Variants in SPATA2 observed in about 807,000 individuals in gnomAD.
The protein encoded by SPATA2 is spermatogenesis-associated protein 2.
In SPATA2, 8 loss-of-function variants were observed where a neutral mutation model predicts 35.4. The ratio of observed to expected loss-of-function variants is 0.23; its 90% CI spans 0.13 to 0.41. The LOEUF (loss-of-function observed/expected upper bound fraction) is 0.41, where lower values mean the gene tolerates loss of function less well. Ranked by LOEUF, SPATA2 falls within the 10% of genes least tolerant of loss-of-function variation. The pLI is 1.00. For synonymous variants in SPATA2, 293 were observed against 300.9 expected (o/e 0.97, Z 0.27); for missense variants, 650 against 698.7 (o/e 0.93, Z 0.79).
chr20:49,915,100 CCTT>C (rs1409693761), intron 1 of SPATA2, among the ~76,000 whole-genome samples: 2 of 152,208 alleles, frequency 1.3e-5, no homozygotes, highest in African/African-American at 2.4e-5. Flanking sequence ...ATCGGGGTGT[CCTT>C]CTGTTTGGCC....
intron 1 of SPATA2, among the ~76,000 whole-genome samples, chr20:49,914,029 G>GC (rs1555854560): frequency 3.3e-5 from 1 of 30,188 alleles, no homozygotes; most frequent in African/African-American, 1.1e-4. Context: ...CCAGTCTGGT[G>GC]GAAAAAAAAA....
At position 49,908,289 on chromosome 20, in the gene SPATA2, C is replaced by A; in HGVS notation, c.202G>T (p.Glu68Ter). Residue 68 changes from glutamate to a stop codon, truncating the protein, a stop_gained, in exon 2 of 3, where the codon GAG (glutamate) becomes TAG (stop). Transcript: ENST00000289431. LOFTEE classifies it high-confidence loss of function. ...GAGCGCAAGGAGCTCTCCACCACCT[C>A]ATAGAACTGGATCAGCCGGAATCGA... ...FYRFRLIQFY[E>*]VVESSLRSLS... 1 of 1,614,210 alleles carries A rather than the reference C, an allele frequency of 6.2e-7. No individual in the cohort carries two copies. The highest frequency in any genetic ancestry group is 8.5e-7 in the Non-Finnish European group (1 of 1,180,014).
chr20:49,906,638 G>T lies in SPATA2; in HGVS notation c.544C>A (p.Gln182Lys). ...TCGGAGTAGCCCTTGTCCTTCACTTGTGAGTGGATTTCTAGCATCTGCTCA... is the reference window on the plus strand; with the variant it reads ...TCGGAGTAGCCCTTGTCCTTCACTTTTGAGTGGATTTCTAGCATCTGCTCA... ...ECEQMLEIHS[Q>K]VKDKGYSELD... Residue 182 changes from glutamine (Q) to lysine (K), a missense_variant, in exon 3 of 3, where the codon CAA (glutamine) becomes AAA (lysine). Gln to Lys is a moderately conservative substitution (Grantham distance 53). Coordinates refer to ENST00000289431, the MANE Select transcript of SPATA2 (RefSeq NM_006038.4). This position sits in a 1 kb window ranked among gnomAD's most constrained non-coding sequence, Gnocchi z 8.2. 5.0e-6 allele frequency: 8 copies of T among 1,614,242 alleles called. No individual in the cohort carries two copies. Among genetic ancestry groups the T allele is most frequent in the Non-Finnish European group, 6.8e-6 (8 of 1,180,036 alleles).
In SPATA2 at chr20:49,906,597, G is replaced by A. The variant is rs773007628; in HGVS notation, c.585C>T (p.Ser195=). The A allele has an allele frequency of 2.2e-5, 35 of 1,614,066 alleles. No homozygotes were observed. In the East Asian group the frequency reaches 2.2e-4, roughly 10 times the overall value. Residue 195 remains serine, a synonymous_variant, in exon 3 of 3, where the codon AGC becomes AGT. Coordinates refer to ENST00000289431, the MANE Select transcript of SPATA2 (RefSeq NM_006038.4). The surrounding 1 kb of genome is among the most constrained non-coding windows in gnomAD (Gnocchi z 8.2). The stretch of plus-strand genomic sequence containing the variant: ...CATCCTCTGCACTGCTCTTGCGCTC[G>A]CTCACAATGTCCAGCTCGGAGTAGC... ...DKGYSELDIV[S]ERKSSAEDVR... is the part of the protein sequence containing the mutation.
chr20:49,903,873 C>A lies in SPATA2; in HGVS notation c.*1746G>T, dbSNP rs2090121305. Reference sequence around the variant, plus strand: ...GTTGAAATTCAGCTTAATATACACACTGTACATCTACATGTGATCTACCAG... The same window carrying A: ...GTTGAAATTCAGCTTAATATACACAATGTACATCTACATGTGATCTACCAG... On this transcript the variant is annotated 3_prime_UTR_variant, in exon 3 of 3. Transcript: ENST00000289431. 2 of 142,564 alleles carry A rather than the reference C, an allele frequency of 1.4e-5. No individual in the cohort carries two copies. The highest frequency in any genetic ancestry group is 5.3e-5 in the African/African-American group (2 of 37,548). 8.8% of individuals were successfully genotyped at this position (142,564 alleles called of 1,614,324 possible).
rs113685792 is a variant in SPATA2, at chr20:49,906,723, G to A, written c.459C>T (p.Leu153=). 2.0e-5 allele frequency: 32 copies of A among 1,614,216 alleles called. No homozygotes were observed. Among genetic ancestry groups the A allele is most frequent in the African/African-American group, 1.1e-4 (8 of 75,052 alleles). ...ELGTAYKLRE[L]VETLQVKMVS... is the part of the protein sequence containing the mutation. ...CCATCTTCACCTGGAGGGTCTCCAC[G>A]AGCTCTCTGAGCTTGTATGCAGTGC... The change falls in exon 3 of 3, where the codon CTC becomes CTT. Residue 153 remains leucine, a synonymous_variant. Coordinates refer to ENST00000289431, the MANE Select transcript of SPATA2 (RefSeq NM_006038.4). This position sits in a 1 kb window ranked among gnomAD's most constrained non-coding sequence, Gnocchi z 8.2.
In SPATA2 at chr20:49,906,386, G is replaced by C; in HGVS notation, c.796C>G (p.Pro266Ala). 6.2e-7 allele frequency: 1 copy of C among 1,613,808 alleles called. No individual in the cohort carries two copies. Among genetic ancestry groups the C allele is most frequent in the Non-Finnish European group, 8.5e-7 (1 of 1,180,010 alleles). ...AGACTCAATGAGGCCTTCAGGGGTGGCTTCCGGCTCTCCCAGTAGCTGTCA... is the reference window on the plus strand; with the variant it reads ...AGACTCAATGAGGCCTTCAGGGGTGCCTTCCGGCTCTCCCAGTAGCTGTCA... ...AYDSYWESRK[P>A]PLKASLSLRK... The change falls in exon 3 of 3, where the codon CCA (proline) becomes GCA (alanine). Residue 266 changes from proline to alanine, a missense_variant. Pro to Ala is a conservative substitution (Grantham distance 27, BLOSUM62 -1). Transcript: ENST00000289431. The surrounding 1 kb of genome is among the most constrained non-coding windows in gnomAD (Gnocchi z 8.2).
At chr20:49,915,351 G>T (rs2090203935) in intron 1 of SPATA2, 29 bp downstream of exon 1, 1 of 152,364 alleles carries the variant, frequency 6.6e-6, no homozygotes, top group African/African-American at 2.4e-5. Flanking sequence ...CCCGAAGGCA[G>T]TTTCCGCCCG....
intron 1 of SPATA2, 62 bp from the exon 2 acceptor site, chr20:49,908,654 C>G: frequency 3.2e-6 from 2 of 628,200 alleles, no homozygotes; most frequent in East Asian, 2.8e-5. Context: ...GGCTTCAGGT[C>G]GCTGAGGCAA....
intron 2 of SPATA2, among the ~76,000 whole-genome samples, chr20:49,907,915 G>A (rs1160614105): frequency 6.6e-6 from 1 of 151,946 alleles, no homozygotes; most frequent in African/African-American, 2.4e-5. Context: ...GCCTTGCCCT[G>A]GGCCACAAGA....
chr20:49,912,192 G>A lies in SPATA2; in HGVS notation c.-103+3188C>T, dbSNP rs559937195. On this transcript the variant is annotated intron_variant, in intron 1 of 2. Coordinates refer to ENST00000289431, the MANE Select transcript of SPATA2 (RefSeq NM_006038.4). The stretch of plus-strand genomic sequence containing the variant: ...ATGCAGGCCAGGCGCGGTGGCTCAC[G>A]CCTGTAATCCTACAACTCTGGGAGG... 1.3e-4 allele frequency among the ~76,000 whole-genome samples: 20 copies of A among 152,324 alleles called. No homozygotes were observed. The East Asian group carries it at 2.7e-3, about 21-fold the overall frequency.
chr20:49,914,938 C>G (rs913328553), intron 1 of SPATA2, among the ~76,000 whole-genome samples: 2 of 152,236 alleles, frequency 1.3e-5, no homozygotes, highest in Non-Finnish European at 2.9e-5. Flanking sequence ...CATCTCCACT[C>G]CAGCCCTAGC....
rs760909269 is a variant in SPATA2 at position 49,908,331 on chromosome 20, T to C, written c.160A>G (p.Lys54Glu). The change falls in exon 2 of 3, where the codon AAG (lysine) becomes GAG (glutamate). Residue 54 changes from lysine (K) to glutamate (E), a missense_variant. Coordinates refer to ENST00000289431, the MANE Select transcript of SPATA2 (RefSeq NM_006038.4). ...CGGAATCGATAAAAGGGATCCACCTTGTGCAGGCTGAGCAGGGTTGAGGCT... is the reference window on the plus strand; with the variant it reads ...CGGAATCGATAAAAGGGATCCACCTCGTGCAGGCTGAGCAGGGTTGAGGCT... ...VAASTLLSLH[K>E]VDPFYRFRLI... The C allele has an allele frequency of 9.3e-6, 15 of 1,614,142 alleles. No homozygotes were observed. The highest frequency in any genetic ancestry group is 6.7e-5 in the Admixed American group (4 of 60,010).
At chr20:49,909,108 C>T (rs1041147525) in intron 1 of SPATA2, among the ~76,000 whole-genome samples, 3 of 152,098 alleles carry the variant, frequency 2.0e-5, no homozygotes, top group South Asian at 2.1e-4. Flanking sequence ...CTGCAACCTC[C>T]GCCTCCCGGG....
chr20:49,907,870 C>T (rs768671180), intron 2 of SPATA2, among the ~76,000 whole-genome samples: 4 of 151,338 alleles, frequency 2.6e-5, no homozygotes, highest in South Asian at 2.1e-4. Flanking sequence ...AGATCCCACA[C>T]TGCCTCCTTC....
chr20:49,907,467 G>C (rs575203206), intron 2 of SPATA2, among the ~76,000 whole-genome samples: 1 of 152,112 alleles, frequency 6.6e-6, no homozygotes, highest in Non-Finnish European at 1.5e-5. Context: ...TGAATAAAGG[G>C]GCCAGATTAC....
In SPATA2 at chr20:49,904,836, G is replaced by A. The variant is rs922668851; in HGVS notation, c.*783C>T. On this transcript the variant is annotated 3_prime_UTR_variant, in exon 3 of 3. Coordinates refer to ENST00000289431, the MANE Select transcript of SPATA2 (RefSeq NM_006038.4). ...ACCACGTTGAAACACACAGCAAGTT[G>A]AATATTTATTTAAAAATAAATCTCA... 6.6e-6 allele frequency: 1 copy of A among 152,558 alleles called. No individual in the cohort carries two copies. Among genetic ancestry groups the A allele is most frequent in the African/African-American group, 2.4e-5 (1 of 41,432 alleles). The allele number at this position is 152,558 out of a possible 1,614,324, so 9.5% of individuals were successfully genotyped here.
At chr20:49,910,184 G>A (rs773848728) in intron 1 of SPATA2, among the ~76,000 whole-genome samples, 17 of 152,160 alleles carry the variant, frequency 1.1e-4, no homozygotes, top group African/African-American at 3.6e-4. Context: ...TCACGGACAC[G>A]GGGTCCAAGG....
rs2090147999 is a variant in SPATA2 at position 49,906,774 on chromosome 20, G to C, written c.408C>G (p.Ser136Arg). ...LLEEDIRAILSCMGYTPELGT... is the reference protein window; with the variant it reads ...LLEEDIRAILRCMGYTPELGT... The stretch of plus-strand genomic sequence containing the variant: ...CCAGCTCAGGTGTGTAGCCCATGCA[G>C]CTCAGGATGGCTCGGATGTCCTCTT... The change falls in exon 3 of 3, where the codon AGC (serine) becomes AGG (arginine). Residue 136 changes from serine (S) to arginine (R), a missense_variant. Transcript: ENST00000289431. This position sits in a 1 kb window ranked among gnomAD's most constrained non-coding sequence, Gnocchi z 8.2. The C allele has an allele frequency of 1.2e-6, 2 of 1,614,050 alleles. No homozygotes were observed. The highest frequency in any genetic ancestry group is 1.7e-6 in the Non-Finnish European group (2 of 1,179,896).
Sources: allele counts gnomAD v4.1 joint callset (sites outside exome capture counted in the v4.1 genomes callset), GRCh38; gene constraint gnomAD v4.1.1; non-coding constraint Gnocchi (gnomAD v3.1); transcripts MANE v1.5; gene names NCBI Gene and HGNC (gene_info 2026-07-23, HGNC 2026-07-21).